The following TLE4 variants were observed in gnomAD, a reference collection of about 807,000 sequenced individuals.
TLE4 encodes transducin-like enhancer protein 4.
In TLE4, 8 loss-of-function variants were observed where a neutral mutation model predicts 92.8. The ratio of observed to expected loss-of-function variants is 0.09; its 90% CI spans 0.05 to 0.16. The LOEUF is 0.16. Ranked by LOEUF, TLE4 falls within the 10% of genes least tolerant of loss-of-function variation. The pLI is 1.00. For synonymous variants in TLE4, 371 were observed against 374.1 expected, an observed-to-expected ratio of 0.99 and a Z score of 0.10; for missense variants, 675 against 997.6, an observed-to-expected ratio of 0.68 and a Z score of 4.36.
intron 6 of TLE4, among the ~76,000 whole-genome samples, chr9:79,630,984 A>C (rs2054028357): frequency 6.6e-6 from 1 of 152,208 alleles, no homozygotes; most frequent in Admixed American, 6.5e-5. Flanking sequence ...TGAGGAAAAA[A>C]AAATGATAGA....
chr9:79,636,220 T>A (rs922806083), intron 6 of TLE4, among the ~76,000 whole-genome samples: 2 of 152,088 alleles, frequency 1.3e-5, no homozygotes, highest in Non-Finnish European at 2.9e-5. Context: ...GAGACGCTAC[T>A]CGGGAGGCTA....
intron 14 of TLE4, among the ~76,000 whole-genome samples, chr9:79,714,574 C>CCAT (rs2074090271): frequency 6.6e-6 from 1 of 152,122 alleles, no homozygotes; most frequent in Non-Finnish European, 1.5e-5. Flanking sequence ...CTTTAAAAAC[C>CCAT]CATCTCTATT....
intron 5 of TLE4, among the ~76,000 whole-genome samples, chr9:79,621,915 T>A (rs999684164): frequency 2.8e-4 from 42 of 152,340 alleles, no homozygotes; most frequent in Admixed American, 8.5e-4. Context: ...TAAGTATCTT[T>A]CACCCTAGAA....
At chr9:79,684,847 G>C (rs758441010) in intron 8 of TLE4, among the ~76,000 whole-genome samples, 1 of 152,188 alleles carries the variant, frequency 6.6e-6, no homozygotes, top group Non-Finnish European at 1.5e-5. Context: ...GCTGAGTCTA[G>C]CATCAGTGAC....
chr9:79,670,568 T>C (rs2062137776), intron 8 of TLE4, among the ~76,000 whole-genome samples: 1 of 152,190 alleles, frequency 6.6e-6, no homozygotes, highest in Admixed American at 6.5e-5. Flanking sequence ...ATATCACCCT[T>C]GTTAACGGTG....
At chr9:79,582,871 G>A (rs894257842) in intron 4 of TLE4, among the ~76,000 whole-genome samples, 1 of 152,158 alleles carries the variant, frequency 6.6e-6, no homozygotes, top group African/African-American at 2.4e-5. Context: ...AAGCTGGGCT[G>A]TTGGAGAGAA....
chr9:79,584,417 C>T (rs1396285231), intron 4 of TLE4, among the ~76,000 whole-genome samples: 3 of 152,116 alleles, frequency 2.0e-5, no homozygotes, highest in Non-Finnish European at 2.9e-5. Context: ...TAGAAAAGTG[C>T]TTGATAAAAC....
chr9:79,647,299 T>C (rs1301930676), intron 6 of TLE4, among the ~76,000 whole-genome samples: 3 of 152,172 alleles, frequency 2.0e-5, no homozygotes, highest in African/African-American at 4.8e-5. Context: ...TTTGAATATA[T>C]AGAGACATAT....
chr9:79,666,187 GT>G (rs1306752671), intron 8 of TLE4, among the ~76,000 whole-genome samples: 3 of 147,578 alleles, frequency 2.0e-5, no homozygotes, highest in Non-Finnish European at 4.5e-5. Flanking sequence ...GTGTGTGTGT[GT>G]GTGTGTGTGG....
chr9:79,718,524 C>T (rs2075010211), intron 14 of TLE4, among the ~76,000 whole-genome samples, 198 bp from the exon 15 acceptor site: 1 of 152,202 alleles, frequency 6.6e-6, no homozygotes, highest in South Asian at 2.1e-4. Flanking sequence ...TGTACAGAGT[C>T]AGCCTGAGAT....
Position 79,644,594 on chromosome 9 carries a change from G to A in TLE4, c.391-7999G>A, listed in dbSNP as rs1214798446. 2.0e-5 allele frequency among the ~76,000 whole-genome samples: 3 copies of A among 152,212 alleles called. No homozygotes were observed. In the East Asian group the frequency reaches 5.8e-4, roughly 29 times the overall value. On this transcript the variant is annotated intron_variant, in intron 6 of 19. Coordinates refer to ENST00000376552, the MANE Select transcript of TLE4 (RefSeq NM_007005.6). ...TCATTGTGATGCTTCCCAAATGTCA[G>A]CCAGACTGTGCTTTCTCACACCTAG...
At chr9:79,696,116 T>A (rs1459748894) in intron 8 of TLE4, among the ~76,000 whole-genome samples, 1 of 152,202 alleles carries the variant, frequency 6.6e-6, no homozygotes, top group Non-Finnish European at 1.5e-5. Flanking sequence ...GTTGTCAGTA[T>A]AAAATGCACA....
intron 8 of TLE4, among the ~76,000 whole-genome samples, chr9:79,663,299 C>T (rs1239402773): frequency 6.6e-6 from 1 of 152,170 alleles, no homozygotes; most frequent in Non-Finnish European, 1.5e-5. Context: ...TCTGAGGCTG[C>T]CCTGTCCAAT....
At chr9:79,601,839 T>C (rs2045742267) in intron 4 of TLE4, among the ~76,000 whole-genome samples, 1 of 152,144 alleles carries the variant, frequency 6.6e-6, no homozygotes, top group South Asian at 2.1e-4. Context: ...TGATTAACCT[T>C]AGAGTGGAAG....
At chr9:79,659,744 G>C (rs1024391197) in intron 8 of TLE4, among the ~76,000 whole-genome samples, 1 of 152,040 alleles carries the variant, frequency 6.6e-6, no homozygotes, top group Non-Finnish European at 1.5e-5. Context: ...TACTTAGTTA[G>C]GGCATGGGGA....
chr9:79,671,923 G>C (rs1165008450), intron 8 of TLE4, among the ~76,000 whole-genome samples: 1 of 116,830 alleles, frequency 8.6e-6, no homozygotes, highest in African/African-American at 3.5e-5. Context: ...CAGTTTCTCC[G>C]TTAAAAAAAA....
chr9:79,674,178 C>T (rs1162206662), intron 8 of TLE4, among the ~76,000 whole-genome samples: 1 of 152,134 alleles, frequency 6.6e-6, no homozygotes, highest in Non-Finnish European at 1.5e-5. Flanking sequence ...GCCATGGGCT[C>T]TGGAGACAGC....
At chr9:79,602,691 A>G (rs764056750) in intron 4 of TLE4, among the ~76,000 whole-genome samples, 27 of 152,210 alleles carry the variant, frequency 1.8e-4, no homozygotes, top group Non-Finnish European at 3.1e-4. Context: ...GGAGATGTAC[A>G]AGGAGATAAT....
intron 6 of TLE4, among the ~76,000 whole-genome samples, chr9:79,641,976 A>G (rs984284872): frequency 2.6e-5 from 4 of 151,902 alleles, no homozygotes; most frequent in Non-Finnish European, 5.9e-5. Context: ...AAAAAAGGGT[A>G]TAGAAGACTA....
Sources: allele counts gnomAD v4.1 joint callset (sites outside exome capture counted in the v4.1 genomes callset), GRCh38; gene constraint gnomAD v4.1.1; transcripts MANE v1.5; gene names NCBI Gene and HGNC (gene_info 2026-07-23, HGNC 2026-07-21).